The following STK4 variants were observed in gnomAD, a reference collection of about 807,000 sequenced individuals.
STK4 encodes serine/threonine kinase 4, also known as serine/threonine-protein kinase 4.
A neutral mutation model predicts 64.9 loss-of-function variants in STK4; 30 were observed. The ratio of observed to expected loss-of-function variants is 0.46; its 90% CI spans 0.35 to 0.63. The LOEUF (loss-of-function observed/expected upper bound fraction) is 0.63, where lower values mean the gene tolerates loss of function less well. Among genes scored for constraint, STK4 ranks in the 20% least tolerant of loss-of-function variants. The probability of loss-of-function intolerance (pLI) is 0.01; values close to 1 mark genes in which losing one functional copy is unlikely to be tolerated. For missense variants in STK4, 466 were observed against 598.5 expected, an observed-to-expected ratio of 0.78 and a Z score of 2.31; for synonymous variants, 177 against 199.0, an observed-to-expected ratio of 0.89 and a Z score of 0.93.
chr20:45,062,834 C>T (rs915164509), intron 10 of STK4, among the ~76,000 whole-genome samples: 28 of 147,114 alleles, frequency 1.9e-4, no homozygotes, highest in Admixed American at 2.7e-4. Context: ...CCCACCACCA[C>T]GCCCGGCTAT....
rs201559184 is a variant in STK4 at position 44,999,177 on chromosome 20, AG to A, written c.832-1213del. Among the ~76,000 whole-genome samples, 815 of 152,350 alleles carry A rather than the reference AG, an allele frequency of 5.3e-3. 9 individuals are homozygous for A. Among genetic ancestry groups the A allele is most frequent in the African/African-American group, 0.017 (719 of 41,590 alleles). On this transcript the variant is annotated intron_variant, in intron 7 of 10. Coordinates refer to ENST00000372806, the MANE Select transcript of STK4 (RefSeq NM_006282.5). ...CATGAAACTGATGTTAAATAATAACAGGCCAGATTTATTTGTCTCTTATTAC... is the reference window on the plus strand; with the variant it reads ...CATGAAACTGATGTTAAATAATAACAGCCAGATTTATTTGTCTCTTATTAC...
chr20:45,025,626 T>C (rs1169693204), intron 10 of STK4, among the ~76,000 whole-genome samples: 1 of 152,214 alleles, frequency 6.6e-6, no homozygotes, highest in East Asian at 1.9e-4. Flanking sequence ...CTTTCTCTAC[T>C]GTGGAACATT....
chr20:45,038,789 T>C (rs1342479356), intron 10 of STK4, among the ~76,000 whole-genome samples: 1 of 152,032 alleles, frequency 6.6e-6, no homozygotes, highest in Non-Finnish European at 1.5e-5. Context: ...GTTTAAAGAA[T>C]TTATTTACTT....
At chr20:45,001,125 T>C (rs371918745) in intron 8 of STK4, 42 bp from the exon 9 acceptor site, 3 of 1,572,102 alleles carry the variant, frequency 1.9e-6, no homozygotes, top group Non-Finnish European at 2.6e-6. Flanking sequence ...CTCAAAGTCT[T>C]TTGTCAAATT....
At chr20:44,976,762 A>C (rs1044619449) in intron 2 of STK4, among the ~76,000 whole-genome samples, 1 of 152,174 alleles carries the variant, frequency 6.6e-6, no homozygotes, top group African/African-American at 2.4e-5. Context: ...TAAATAATAC[A>C]TCTGGGGGTG....
chr20:45,043,463 G>A (rs1264050155), intron 10 of STK4, among the ~76,000 whole-genome samples: 1 of 152,184 alleles, frequency 6.6e-6, no homozygotes, highest in Non-Finnish European at 1.5e-5. Flanking sequence ...CTGAGTAGCT[G>A]TGGGCCACTT....
intron 10 of STK4, among the ~76,000 whole-genome samples, chr20:45,061,440 C>T (rs145419350): frequency 6.0e-4 from 92 of 152,282 alleles, no homozygotes; most frequent in South Asian, 2.7e-3. Context: ...CATCCTGCTC[C>T]ATCCTGCCTG....
intron 10 of STK4, among the ~76,000 whole-genome samples, chr20:45,060,775 GT>G (rs1446344771): frequency 6.6e-5 from 10 of 152,194 alleles, no homozygotes; most frequent in Non-Finnish European, 1.2e-4. Flanking sequence ...TCTAATTAAT[GT>G]TAGTGATCAT....
intron 10 of STK4, among the ~76,000 whole-genome samples, chr20:45,056,460 A>G (rs1395857378): frequency 1.3e-5 from 2 of 152,316 alleles, no homozygotes; most frequent in South Asian, 2.1e-4. Context: ...TTTCCATTGT[A>G]TGGATATTAC....
At chr20:45,014,419 G>A (rs1008754047) in intron 9 of STK4, among the ~76,000 whole-genome samples, 6 of 151,722 alleles carry the variant, frequency 4.0e-5, no homozygotes, top group Admixed American at 3.3e-4. Context: ...GAGCAAGACT[G>A]TCTCAAAATA....
At chr20:45,053,562 G>A (rs1978303868) in intron 10 of STK4, among the ~76,000 whole-genome samples, 1 of 152,142 alleles carries the variant, frequency 6.6e-6, no homozygotes, top group South Asian at 2.1e-4. Context: ...ACTGCAATAA[G>A]TATCCTAGCA....
chr20:44,974,387 T>A (rs1447285491), intron 2 of STK4: 1 of 152,328 alleles, frequency 6.6e-6, no homozygotes, highest in East Asian at 1.9e-4. Flanking sequence ...TTATTCTGAC[T>A]GAATGAACCT....
At chr20:44,997,078 C>T in intron 6 of STK4, 91 bp from the exon 7 acceptor site, 1 of 1,566,804 alleles carries the variant, frequency 6.4e-7, no homozygotes, top group Non-Finnish European at 8.7e-7. Flanking sequence ...AATCATTTAC[C>T]AAGCTTCAAA....
rs112579425 is a variant in STK4 at position 45,009,223 on chromosome 20, G to T, written c.1147+7870G>T. On this transcript the variant is annotated intron_variant, in intron 9 of 10. Coordinates refer to ENST00000372806, the MANE Select transcript of STK4 (RefSeq NM_006282.5). ...CACTTAATTTTTATATATGGTGAAA[G>T]ATAAGGATCCACTTTCAATCTTCTT... Among the ~76,000 whole-genome samples, 1,398 of 152,316 alleles carry T rather than the reference G, an allele frequency of 9.2e-3. 10 individuals carry two copies. Among genetic ancestry groups the T allele is most frequent in the Non-Finnish European group, 0.016 (1,062 of 68,024 alleles).
chr20:44,979,938 A>C (rs911131157), intron 3 of STK4, among the ~76,000 whole-genome samples: 5 of 152,106 alleles, frequency 3.3e-5, no homozygotes, highest in Non-Finnish European at 7.3e-5. Flanking sequence ...CTTTCGATAG[A>C]CTGTGCGGGA....
chr20:44,982,820 T>C (rs1193990968), intron 4 of STK4, among the ~76,000 whole-genome samples: 7 of 150,198 alleles, frequency 4.7e-5, no homozygotes, highest in Non-Finnish European at 8.8e-5. Context: ...GCTGTCATGG[T>C]AGTGTACTTC....
chr20:44,990,661 C>T (rs2145673992), intron 5 of STK4, among the ~76,000 whole-genome samples: 1 of 152,116 alleles, frequency 6.6e-6, no homozygotes, highest in Non-Finnish European at 1.5e-5. Context: ...ATTTAATGTT[C>T]CTGATTCACA....
chr20:44,987,160 T>G lies in STK4; in HGVS notation c.389T>G (p.Leu130Ter). The change falls in exon 5 of 11, where the codon TTA (leucine) becomes TGA (stop). Residue 130 changes from leucine (L) to a stop codon, truncating the protein, a stop_gained. Coordinates refer to ENST00000372806, the MANE Select transcript of STK4 (RefSeq NM_006282.5). LOFTEE classifies it high-confidence loss of function. The part of the protein sequence containing the change: ...TLTEDEIATI[L>*]QSTLKGLEYL... Reference sequence around the variant, plus strand: ...ACAGAAGATGAAATAGCTACAATATTACAATCAACTCTTAAGGGACTTGAA... The same window carrying G: ...ACAGAAGATGAAATAGCTACAATATGACAATCAACTCTTAAGGGACTTGAA... 3 of 1,601,992 alleles carry G rather than the reference T, an allele frequency of 1.9e-6. No individual in the cohort carries two copies. The highest frequency in any genetic ancestry group is 2.6e-6 in the Non-Finnish European group (3 of 1,174,212).
At chr20:45,003,284 G>A (rs992455526) in intron 9 of STK4, among the ~76,000 whole-genome samples, 26 of 152,228 alleles carry the variant, frequency 1.7e-4, no homozygotes, top group Non-Finnish European at 3.2e-4. Flanking sequence ...TTAGAGGTGT[G>A]AGCCACCTCT....
Sources: gnomAD v4.1 joint callset for allele counts (sites outside exome capture counted in the v4.1 genomes callset) on GRCh38, gnomAD v4.1.1 for gene constraint, MANE v1.5 for transcripts, NCBI Gene and HGNC (gene_info 2026-07-23, HGNC 2026-07-21) for gene names.